Variants in ANKRD18A observed in about 807,000 individuals in gnomAD.
ANKRD18A encodes the protein ankyrin repeat domain-containing protein 18A.
ANKRD18A carries 72 observed loss-of-function variants against 110.6 expected under a neutral mutation model. The ratio of observed to expected loss-of-function variants is 0.65; its 90% CI spans 0.54 to 0.79. The LOEUF (loss-of-function observed/expected upper bound fraction) is 0.79. ANKRD18A is among the 30% of genes least tolerant of loss of function. ANKRD18A has a pLI of 0.00. For synonymous variants in ANKRD18A, 305 were observed against 410.3 expected, an observed-to-expected ratio of 0.74 and a Z score of 3.10; for missense variants, 934 against 1,163.3, an observed-to-expected ratio of 0.80 and a Z score of 2.87.
chr9:38,616,177 A>G, intron 1 of ANKRD18A, 133 bp from the exon 2 acceptor site: 1 of 658,222 alleles, frequency 1.5e-6, no homozygotes, highest in Non-Finnish European at 2.5e-6. Context: ...TGAAGAAAGT[A>G]CAATATTTAT....
intron 10 of ANKRD18A, 21 bp downstream of exon 10, chr9:38,593,739 C>T (rs1210074093): frequency 2.9e-5 from 43 of 1,508,740 alleles, no homozygotes; most frequent in Admixed American, 4.6e-5. Flanking sequence ...TAACTGTCTA[C>T]ATGTTAAATT....
intron 5 of ANKRD18A, among the ~76,000 whole-genome samples, chr9:38,608,931 T>C (rs573066482): frequency 1.3e-5 from 2 of 152,174 alleles, no homozygotes; most frequent in East Asian, 3.9e-4. Context: ...TCCTGCAACA[T>C]TATTTGAACA....
intron 5 of ANKRD18A, among the ~76,000 whole-genome samples, chr9:38,608,137 T>G (rs1386723337): frequency 6.6e-6 from 1 of 152,206 alleles, no homozygotes; most frequent in Non-Finnish European, 1.5e-5. Flanking sequence ...TAACTAAATT[T>G]ATATACAAAT....
intron 3 of ANKRD18A, among the ~76,000 whole-genome samples, chr9:38,613,715 G>A (rs1324964221): frequency 6.6e-6 from 1 of 152,172 alleles, no homozygotes; most frequent in East Asian, 1.9e-4. Flanking sequence ...TCCTGATAAT[G>A]CCAAAGCTCT....
intron 6 of ANKRD18A, among the ~76,000 whole-genome samples, chr9:38,605,727 C>T (rs1239876891): frequency 2.0e-5 from 3 of 152,136 alleles, no homozygotes; most frequent in Non-Finnish European, 4.4e-5. Flanking sequence ...AATTCTTCTG[C>T]CTCAGCCTCC....
Position 38,620,321 on chromosome 9 carries a change from G to C in ANKRD18A, c.-36C>G, listed in dbSNP as rs1826037668. 6.5e-7 allele frequency: 1 copy of C among 1,533,314 alleles called. No individual in the cohort carries two copies. The highest frequency in any genetic ancestry group is 8.8e-7 in the Non-Finnish European group (1 of 1,136,706). The allele number at this position is 1,533,314 out of a possible 1,614,324, so 95.0% of individuals were successfully genotyped here. A position where few individuals can be genotyped will look rare whatever the true frequency, so the allele number is the denominator to read the frequency against. On this transcript the variant is annotated 5_prime_UTR_variant, in exon 1 of 16. Transcript: ENST00000399703. ...TCTCAGACGCCCACCACCCGCTCCT[G>C]AGCCGCGGCGGCTCCTCGTGGCCTT...
At chr9:38,579,100 C>T (rs10973919) in intron 12 of ANKRD18A, among the ~76,000 whole-genome samples, 4,045 of 152,224 alleles carry the variant, frequency 0.027, 189 homozygotes, top group African/African-American at 0.091. Context: ...GGAAAGGACA[C>T]CCTCTTCAAA....
intron 10 of ANKRD18A, among the ~76,000 whole-genome samples, chr9:38,589,783 C>T (rs562777338): frequency 2.0e-5 from 3 of 152,316 alleles, no homozygotes; most frequent in East Asian, 3.9e-4. Context: ...CTGCCCTCCT[C>T]GGCCTCCCAA....
chr9:38,620,446 C>G lies in ANKRD18A; in HGVS notation c.-161G>C, dbSNP rs1826047572. On this transcript the variant is annotated 5_prime_UTR_variant, in exon 1 of 16. Coordinates refer to ENST00000399703, the MANE Select transcript of ANKRD18A (RefSeq NM_147195.4). ...CCAAATCCAAGATCCACCCCCAAAC[C>G]CGCAATGTAGCTCAGAATCCGCGAT... 9.1e-6 allele frequency: 13 copies of G among 1,422,234 alleles called. No homozygotes were observed. The Middle Eastern group carries it at 7.7e-4, about 84-fold the overall frequency. The allele number at this position is 1,422,234 out of a possible 1,614,324, so 88.1% of individuals were successfully genotyped here. A position where few individuals can be genotyped will look rare whatever the true frequency, so the allele number is the denominator to read the frequency against.
Position 38,615,583 on chromosome 9 carries a change from T to A in ANKRD18A, c.495+11A>T, listed in dbSNP as rs146742310. On this transcript the variant is annotated intron_variant, in intron 3 of 15. Transcript: ENST00000399703. Reference sequence around the variant, plus strand: ...ACAAACATTTTGAAAAGAAAGTTGATTGATCTGTACCTTGTTTAGTGCTTC... The same window carrying A: ...ACAAACATTTTGAAAAGAAAGTTGAATGATCTGTACCTTGTTTAGTGCTTC... 2.3e-3 allele frequency: 3,597 copies of A among 1,554,576 alleles called. 61 individuals carry two copies. In the African/African-American group the frequency reaches 0.044, roughly 19 times the overall value.
At chr9:38,567,259 G>A (rs1285778005), downstream of ANKRD18A, 2 of 152,174 alleles carry the variant, frequency 1.3e-5, no homozygotes, top group Non-Finnish European at 2.9e-5. Context: ...ATGTTCAGCC[G>A]AGTTTCAATT....
At chr9:38,611,075 G>C (rs1269334534) in intron 4 of ANKRD18A, 140 bp downstream of exon 4, 4 of 1,416,020 alleles carry the variant, frequency 2.8e-6, no homozygotes, top group Non-Finnish European at 3.7e-6. Flanking sequence ...TTTTCTACCT[G>C]ATTATTCATG....
chr9:38,567,590 GC>G (rs1823513111), downstream of ANKRD18A: 1 of 152,756 alleles, frequency 6.5e-6, no homozygotes, highest in Non-Finnish European at 1.5e-5. Context: ...GCCACATGTT[GC>G]CTGCTCTCCA....
chr9:38,605,187 A>G (rs182902105), intron 6 of ANKRD18A, among the ~76,000 whole-genome samples: 208 of 152,354 alleles, frequency 1.4e-3, no homozygotes, highest in African/African-American at 4.5e-3. Context: ...CAGTGGTAAT[A>G]ACAATCTCCC....
rs765972007 is a variant in ANKRD18A, at chr9:38,571,994, G to C, written c.*51C>G. On this transcript the variant is annotated 3_prime_UTR_variant, in exon 16 of 16. Coordinates refer to ENST00000399703, the MANE Select transcript of ANKRD18A (RefSeq NM_147195.4). ...GATTTTATGGTTAATCTCTTCATTA[G>C]ATGTGGCTTACCAGTGGATTCTACA... 1.9e-6 allele frequency: 3 copies of C among 1,554,716 alleles called. No individual in the cohort carries two copies. The highest frequency in any genetic ancestry group is 2.6e-6 in the Non-Finnish European group (3 of 1,153,406).
chr9:38,576,347 G>T (rs1056990212), intron 14 of ANKRD18A, among the ~76,000 whole-genome samples: 1 of 152,164 alleles, frequency 6.6e-6, no homozygotes, highest in East Asian at 1.9e-4. Flanking sequence ...AAGAACTAAA[G>T]CATCTCTGAA....
intron 6 of ANKRD18A, among the ~76,000 whole-genome samples, chr9:38,606,789 A>G (rs1825378897): frequency 6.6e-6 from 1 of 152,176 alleles, no homozygotes; most frequent in South Asian, 2.1e-4. Flanking sequence ...TAACAAGTCC[A>G]ATGCGTAACA....
At chr9:38,587,873 A>G (rs543139575) in intron 11 of ANKRD18A, among the ~76,000 whole-genome samples, 1 of 152,318 alleles carries the variant, frequency 6.6e-6, no homozygotes, top group African/African-American at 2.4e-5. Context: ...GTGGATCATG[A>G]GGTCAGGAGT....
Position 38,610,477 on chromosome 9 carries a change from A to G in ANKRD18A, c.603-67T>C, listed in dbSNP as rs1825565017. 1.5e-5 allele frequency: 23 copies of G among 1,487,684 alleles called. 1 individual carries two copies. The South Asian group carries it at 2.9e-4, about 19-fold the overall frequency. The allele number at this position is 1,487,684 out of a possible 1,614,324, so 92.2% of individuals were successfully genotyped here. A position where few individuals can be genotyped will look rare whatever the true frequency, so the allele number is the denominator to read the frequency against. On this transcript the variant is annotated intron_variant, in intron 4 of 15. Transcript: ENST00000399703. ...AAGATATTTAATTAGCAAATTGGAT[A>G]CACTTTACCAATTTCATATCTTGCC...
Sources: allele counts gnomAD v4.1 joint callset (sites outside exome capture counted in the v4.1 genomes callset), GRCh38; gene constraint gnomAD v4.1.1; transcripts MANE v1.5; gene names NCBI Gene and HGNC (gene_info 2026-07-23, HGNC 2026-07-21).